BAIAP2L1: variants seen among roughly 807,000 people sequenced by gnomAD.
The protein encoded by BAIAP2L1 is BAR/IMD domain-containing adapter protein 2-like 1.
In BAIAP2L1, 35 loss-of-function variants were observed where a neutral mutation model predicts 66.3. The observed-to-expected ratio is 0.53, with a 90% CI of 0.40 to 0.70. The LOEUF (loss-of-function observed/expected upper bound fraction) is 0.70, where lower values mean the gene tolerates loss of function less well. Among genes scored for constraint, BAIAP2L1 ranks in the 30% least tolerant of loss-of-function variants. The pLI, the probability that BAIAP2L1 is intolerant of heterozygous loss-of-function variation, is 0.00. For synonymous variants in BAIAP2L1, 269 were observed against 248.7 expected (o/e 1.08, Z -0.77); for missense variants, 622 against 656.9 (o/e 0.95, Z 0.58).
intron 3 of BAIAP2L1, among the ~76,000 whole-genome samples, chr7:98,346,954 T>C (rs1195141146): frequency 1.3e-5 from 2 of 152,018 alleles, no homozygotes; most frequent in Admixed American, 1.3e-4. Context: ...GTGGCTGTGA[T>C]GAAAAGGATG....
intron 1 of BAIAP2L1, among the ~76,000 whole-genome samples, chr7:98,362,856 C>T (rs938443835): frequency 1.6e-4 from 25 of 152,126 alleles, no homozygotes; most frequent in Admixed American, 1.2e-3. Context: ...AAATAGATTT[C>T]GATGAATTTC....
intron 9 of BAIAP2L1, chr7:98,308,106 C>T (rs1259904478): frequency 1.5e-6 from 1 of 681,238 alleles, no homozygotes; most frequent in Non-Finnish European, 2.7e-6. Flanking sequence ...AGCCTGAAGG[C>T]ATGCACCGTG....
chr7:98,339,992 C>T (rs914937134), intron 3 of BAIAP2L1, among the ~76,000 whole-genome samples: 4 of 152,096 alleles, frequency 2.6e-5, no homozygotes, highest in Non-Finnish European at 5.9e-5. Flanking sequence ...TGGCTGACAG[C>T]GTGAGGACAG....
chr7:98,361,411 G>A (rs1478180291), intron 2 of BAIAP2L1, among the ~76,000 whole-genome samples: 1 of 151,956 alleles, frequency 6.6e-6, no homozygotes, highest in African/African-American at 2.4e-5. Context: ...TGTAAAACTT[G>A]ATCTGAAGCT....
intron 12 of BAIAP2L1, among the ~76,000 whole-genome samples, chr7:98,297,773 C>T (rs1240978099): frequency 1.3e-5 from 2 of 152,212 alleles, no homozygotes; most frequent in African/African-American, 4.8e-5. Context: ...TGCGTGCAGG[C>T]CTGCACCGGG....
intron 5 of BAIAP2L1, among the ~76,000 whole-genome samples, chr7:98,319,479 G>C (rs937075731): frequency 4.6e-5 from 7 of 152,044 alleles, no homozygotes; most frequent in East Asian, 3.9e-4. Context: ...GTCCTACAGC[G>C]TGAATGTATT....
At chr7:98,342,044 T>TAA (rs1801753357) in intron 3 of BAIAP2L1, among the ~76,000 whole-genome samples, 1 of 34,666 alleles carries the variant, frequency 2.9e-5, no homozygotes, top group Non-Finnish European at 7.8e-5. Flanking sequence ...TTTTCTGATT[T>TAA]TTTTTTTTTT....
chr7:98,380,782 G>A (rs1190505294), intron 1 of BAIAP2L1, among the ~76,000 whole-genome samples: 1 of 117,760 alleles, frequency 8.5e-6, no homozygotes, highest in Non-Finnish European at 1.7e-5. Context: ...CACCACCACC[G>A]CCACTACCAC....
chr7:98,376,155 C>G (rs1802622942), intron 1 of BAIAP2L1, among the ~76,000 whole-genome samples: 1 of 152,230 alleles, frequency 6.6e-6, no homozygotes, highest in Middle Eastern at 3.4e-3. Context: ...TACACGGTAT[C>G]CCTTTATGAT....
At chr7:98,327,449 G>A (rs974798069) in intron 3 of BAIAP2L1, among the ~76,000 whole-genome samples, 4 of 152,010 alleles carry the variant, frequency 2.6e-5, no homozygotes, top group Admixed American at 6.6e-5. Context: ...CAAGGCAGGC[G>A]GATCACCTGA....
In BAIAP2L1 at chr7:98,354,862, C is replaced by T. The variant is rs999654949; in HGVS notation, c.214+180G>A. Among the ~76,000 whole-genome samples the T allele has an allele frequency of 3.9e-5, 6 of 152,172 alleles. No individual in the cohort carries two copies. The South Asian group carries it at 6.2e-4, about 16-fold the overall frequency. ...GAAAACAAGGCCTCCACTCGCCCTC[C>T]GGCACCAGTCCCAGCCCACCCTACG... On this transcript the variant is annotated intron_variant, in intron 3 of 13. Transcript: ENST00000005260.
At chr7:98,339,192 A>G (rs1352362589) in intron 3 of BAIAP2L1, among the ~76,000 whole-genome samples, 2 of 152,120 alleles carry the variant, frequency 1.3e-5, no homozygotes, top group African/African-American at 4.8e-5. Flanking sequence ...AGGAACTGGC[A>G]GACAGCTCCA....
At chr7:98,311,798 G>A (rs971009781) in intron 8 of BAIAP2L1, among the ~76,000 whole-genome samples, 1 of 151,932 alleles carries the variant, frequency 6.6e-6, no homozygotes, top group Non-Finnish European at 1.5e-5. Context: ...CCCAGCTACT[G>A]AGGAGGCTGA....
At chr7:98,367,765 C>A (rs1007217038) in intron 1 of BAIAP2L1, among the ~76,000 whole-genome samples, 66 of 151,870 alleles carry the variant, frequency 4.3e-4, no homozygotes, top group African/African-American at 1.5e-3. Flanking sequence ...ATTTCCTGAC[C>A]TTGTGATCCA....
chr7:98,292,462 G>A lies in BAIAP2L1; in HGVS notation c.*1059C>T, dbSNP rs1307510018. 8 of 630,338 alleles carry A rather than the reference G, an allele frequency of 1.3e-5. No homozygotes were observed. The highest frequency in any genetic ancestry group is 5.8e-5 in the Admixed American group (2 of 34,204). 39.0% of individuals were successfully genotyped at this position (630,338 alleles called of 1,614,324 possible). A position where few individuals can be genotyped will look rare whatever the true frequency, so the allele number is the denominator to read the frequency against. ...ATGCTGGGATTCCCGTACCTGGGCC[G>A]GGCTGGGAATTTTAACCATGACTCT... On this transcript the variant is annotated 3_prime_UTR_variant, in exon 14 of 14. Transcript: ENST00000005260.
In BAIAP2L1 at chr7:98,293,200, A is replaced by C. The variant is rs944055610; in HGVS notation, c.*321T>G. The C allele has an allele frequency of 3.3e-6, 1 of 300,538 alleles. No homozygotes were observed. Among genetic ancestry groups the C allele is most frequent in the East Asian group, 6.3e-5 (1 of 15,898 alleles). The allele number at this position is 300,538 out of a possible 1,614,324, so 18.6% of individuals were successfully genotyped here. ...GTCCTGAAAGCATAGACTATCCCTT[A>C]TTCTGGCTGTTATTAAGGAAAAAAT... On this transcript the variant is annotated 3_prime_UTR_variant, in exon 14 of 14. Coordinates refer to ENST00000005260, the MANE Select transcript of BAIAP2L1 (RefSeq NM_018842.5).
intron 3 of BAIAP2L1, among the ~76,000 whole-genome samples, chr7:98,329,266 T>G (rs889239710): frequency 1.3e-5 from 2 of 152,168 alleles, no homozygotes; most frequent in Non-Finnish European, 2.9e-5. Context: ...AGGGTGAAGA[T>G]GTACCCTGAA....
At chr7:98,381,252 G>A (rs1181903689) in intron 1 of BAIAP2L1, among the ~76,000 whole-genome samples, 2 of 152,052 alleles carry the variant, frequency 1.3e-5, no homozygotes, top group Non-Finnish European at 2.9e-5. Flanking sequence ...CTAAAAGGCG[G>A]GGTTTCCTAG....
At chr7:98,385,241 GAGGCTGC>G (rs1187808626) in intron 1 of BAIAP2L1, among the ~76,000 whole-genome samples, 2 of 151,882 alleles carry the variant, frequency 1.3e-5, no homozygotes, top group East Asian at 4.0e-4. Context: ...CCAGGAGGCG[GAGGCTGC>G]AGTGAGCCAA....
Sources: allele counts gnomAD v4.1 joint callset (sites outside exome capture counted in the v4.1 genomes callset), GRCh38; gene constraint gnomAD v4.1.1; transcripts MANE v1.5; gene names NCBI Gene and HGNC (gene_info 2026-07-23, HGNC 2026-07-21).